The following SLC13A3 variants were observed in gnomAD, a reference collection of about 807,000 sequenced individuals.
SLC13A3 encodes Na(+)/dicarboxylate cotransporter 3.
SLC13A3 carries 40 observed loss-of-function variants against 59.0 expected under a neutral mutation model. The observed-to-expected ratio is 0.68, with a 90% CI of 0.53 to 0.88. The LOEUF (loss-of-function observed/expected upper bound fraction) is 0.88. SLC13A3 is among the 40% of genes least tolerant of loss of function. The probability of loss-of-function intolerance (pLI) is 0.00; values close to 1 mark genes in which losing one functional copy is unlikely to be tolerated. For missense variants in SLC13A3, 699 were observed against 783.2 expected, an observed-to-expected ratio of 0.89 and a Z score of 1.28; for synonymous variants, 317 against 330.3, an observed-to-expected ratio of 0.96 and a Z score of 0.44.
upstream of SLC13A3, among the ~76,000 whole-genome samples, chr20:46,670,614 G>C (rs1275790817): frequency 6.6e-6 from 1 of 152,184 alleles, no homozygotes; most frequent in Non-Finnish European, 1.5e-5. Flanking sequence ...AGACTCCATA[G>C]AGAGGGGCCC....
upstream of SLC13A3, among the ~76,000 whole-genome samples, chr20:46,674,953 T>C (rs1444769483): frequency 8.6e-5 from 13 of 151,976 alleles, no homozygotes; most frequent in Admixed American, 7.9e-4. Flanking sequence ...ATGAGGGTGC[T>C]GTGGGGGCTT....
At chr20:46,644,520 G>A (rs908882866) in intron 1 of SLC13A3, among the ~76,000 whole-genome samples, 1 of 152,082 alleles carries the variant, frequency 6.6e-6, no homozygotes, top group African/African-American at 2.4e-5. Flanking sequence ...AAAATAAAAT[G>A]TACATGTCCT....
intron 9 of SLC13A3, among the ~76,000 whole-genome samples, chr20:46,581,352 T>C (rs542497120): frequency 2.6e-5 from 4 of 152,244 alleles, no homozygotes; most frequent in African/African-American, 9.6e-5. Context: ...GGCTGTGAAG[T>C]AGCCTTGTGG....
upstream of SLC13A3, among the ~76,000 whole-genome samples, chr20:46,655,320 C>T (rs139452801): frequency 8.0e-5 from 12 of 150,120 alleles, no homozygotes; most frequent in African/African-American, 2.7e-4. Flanking sequence ...CATATATACA[C>T]ATAGATATGT....
At chr20:46,638,295 T>C (rs937566937) in intron 1 of SLC13A3, among the ~76,000 whole-genome samples, 7 of 152,128 alleles carry the variant, frequency 4.6e-5, no homozygotes, top group African/African-American at 1.4e-4. Flanking sequence ...GGGGCAGGGA[T>C]TGGTTAATAA....
chr20:46,580,804 C>T lies in SLC13A3; in HGVS notation c.1219+2768G>A, dbSNP rs141030353. 2.0e-4 allele frequency among the ~76,000 whole-genome samples: 31 copies of T among 152,166 alleles called. 1 individual carries two copies. In the East Asian group the frequency reaches 4.5e-3, roughly 22 times the overall value. On this transcript the variant is annotated intron_variant, in intron 9 of 12. Transcript: ENST00000279027. ...AGGACCAGCTAAAACAGGTCCTGGGCGGAAGCAGCTTTCCATAAGACACAC... is the reference window on the plus strand; with the variant it reads ...AGGACCAGCTAAAACAGGTCCTGGGTGGAAGCAGCTTTCCATAAGACACAC...
upstream of SLC13A3, among the ~76,000 whole-genome samples, chr20:46,674,604 C>CGTGTGTGTGTGTGT (rs58582046): frequency 6.5e-4 from 83 of 127,938 alleles, no homozygotes; most frequent in East Asian, 3.3e-3. Context: ...CGCGCGCGCG[C>CGTGTGTGTGTGTGT]GTGTGTGTGT....
intron 1 of SLC13A3, among the ~76,000 whole-genome samples, chr20:46,625,425 C>A (rs1270703654): frequency 6.6e-6 from 1 of 152,202 alleles, no homozygotes; most frequent in African/African-American, 2.4e-5. Context: ...AGGAAAAGAA[C>A]TTCCCCACTG....
At chr20:46,684,042 C>A (rs578044110) in intron 1 of SLC13A3, among the ~76,000 whole-genome samples, 1 of 152,152 alleles carries the variant, frequency 6.6e-6, no homozygotes, top group Non-Finnish European at 1.5e-5. Context: ...CAGGGCCCTG[C>A]AGGATCCGGC....
At chr20:46,584,686 A>G (rs1360103439) in intron 8 of SLC13A3, among the ~76,000 whole-genome samples, 1 of 152,250 alleles carries the variant, frequency 6.6e-6, no homozygotes, top group Non-Finnish European at 1.5e-5. Flanking sequence ...CCTTAGTGAA[A>G]GAATAAACCA....
At chr20:46,622,621 CGTGTGTGTGTGTGTGTGTGTGT>C (rs11469544) in intron 1 of SLC13A3, among the ~76,000 whole-genome samples, 130 of 134,164 alleles carry the variant, frequency 9.7e-4, no homozygotes, top group African/African-American at 3.2e-3. Flanking sequence ...GTGGTGTGTG[CGTGTGTGTGTGTGTGTGTGTGT>C]GTGTGTGTGT....
At chr20:46,638,819 G>T (rs2062819846) in intron 1 of SLC13A3, among the ~76,000 whole-genome samples, 1 of 152,126 alleles carries the variant, frequency 6.6e-6, no homozygotes, top group Non-Finnish European at 1.5e-5. Flanking sequence ...ATTCTCTGTG[G>T]GGGGCTGTCC....
At chr20:46,582,850 T>C (rs957151131) in intron 9 of SLC13A3, 1 of 985,424 alleles carries the variant, frequency 1.0e-6, no homozygotes. Flanking sequence ...CACCTTCTGG[T>C]AGACATCTGC....
chr20:46,619,605 T>G (rs757196314), intron 1 of SLC13A3, among the ~76,000 whole-genome samples: 7 of 152,202 alleles, frequency 4.6e-5, no homozygotes, highest in Non-Finnish European at 5.9e-5. Flanking sequence ...TATCAGTGTG[T>G]CCCAGTACAG....
chr20:46,635,643 C>T (rs948114522), intron 1 of SLC13A3, among the ~76,000 whole-genome samples: 1 of 152,148 alleles, frequency 6.6e-6, no homozygotes, highest in Non-Finnish European at 1.5e-5. Flanking sequence ...GGCGTTTGAA[C>T]CAGAGTGACT....
chr20:46,653,845 G>A (rs1052524124), upstream of SLC13A3, among the ~76,000 whole-genome samples: 1 of 152,134 alleles, frequency 6.6e-6, no homozygotes. Flanking sequence ...TTCATTTGTT[G>A]ATAGACATTG....
At position 46,613,250 on chromosome 20, in the gene SLC13A3, T is replaced by C. The variant is rs536409758; in HGVS notation, c.377+210A>G. 4.0e-5 allele frequency among the ~76,000 whole-genome samples: 6 copies of C among 151,468 alleles called. 2 individuals carry two copies. Among genetic ancestry groups the C allele is most frequent in the African/African-American group, 1.5e-4 (6 of 40,968 alleles). On this transcript the variant is annotated intron_variant, in intron 2 of 12. Coordinates refer to ENST00000279027, the MANE Select transcript of SLC13A3 (RefSeq NM_022829.6). ...CACCTTTGAGAACAGCTGCCCATGA[T>C]GGGCCTAGTGCTGTGTCTAGCATGC...
intron 4 of SLC13A3, among the ~76,000 whole-genome samples, chr20:46,598,155 T>G (rs993603922): frequency 6.6e-6 from 1 of 152,170 alleles, no homozygotes; most frequent in African/African-American, 2.4e-5. Context: ...GAAAGATAAT[T>G]CAAATACCCT....
intron 9 of SLC13A3, among the ~76,000 whole-genome samples, chr20:46,577,305 G>A (rs1048002089): frequency 1.3e-5 from 2 of 152,228 alleles, no homozygotes; most frequent in Non-Finnish European, 1.5e-5. Context: ...TAGCCCACAG[G>A]TGCATGCAGC....
Sources: gnomAD v4.1 joint callset for allele counts (sites outside exome capture counted in the v4.1 genomes callset) on GRCh38, gnomAD v4.1.1 for gene constraint, MANE v1.5 for transcripts, NCBI Gene and HGNC (gene_info 2026-07-23, HGNC 2026-07-21) for gene names.